NBAS: variants seen among roughly 807,000 people sequenced by gnomAD.
The protein encoded by NBAS is NAG/BC035112 fusion.
NBAS carries 219 observed loss-of-function variants against 302.5 expected under a neutral mutation model. The observed-to-expected ratio is 0.72, with a 90% CI of 0.65 to 0.81. The LOEUF is 0.81. Among genes scored for constraint, NBAS ranks in the 30% least tolerant of loss-of-function variants. The pLI is 0.00. For synonymous variants in NBAS, 1,118 were observed against 1,021.6 expected (o/e 1.09, Z -1.80); for missense variants, 2,932 against 2,841.6 (o/e 1.03, Z -0.72).
intron 9 of NBAS, among the ~76,000 whole-genome samples, chr2:15,514,753 AC>A (rs1269766140): frequency 6.6e-6 from 1 of 152,100 alleles, no homozygotes; most frequent in African/African-American, 2.4e-5. Flanking sequence ...AAGTTGGCTG[AC>A]TACTGAAGGA....
At chr2:15,511,376 T>A (rs780741892) in intron 9 of NBAS, 26 bp from the exon 10 acceptor site, 1 of 1,606,708 alleles carries the variant, frequency 6.2e-7, no homozygotes, top group Non-Finnish European at 8.5e-7. Flanking sequence ...TTTTTAAAAA[T>A]CGATAAATTG....
chr2:15,111,245 T>C, the NBAS span, among the ~76,000 whole-genome samples: 1 of 152,136 alleles, frequency 6.6e-6, no homozygotes, highest in Non-Finnish European at 1.5e-5. Context: ...GTGTGTCTTT[T>C]AATCTCTCCA....
At chr2:15,191,434 A>G (rs1439672701) in intron 48 of NBAS, among the ~76,000 whole-genome samples, 2 of 152,226 alleles carry the variant, frequency 1.3e-5, no homozygotes, top group African/African-American at 4.8e-5. Context: ...AGCCTTGTTC[A>G]CACAGTGACC....
At chr2:15,355,337 CA>C (rs1282794178) in intron 33 of NBAS, among the ~76,000 whole-genome samples, 1 of 151,040 alleles carries the variant, frequency 6.6e-6, no homozygotes, top group East Asian at 1.9e-4. Flanking sequence ...ACAACAACAA[CA>C]ACAACAAAAC....
the NBAS span, among the ~76,000 whole-genome samples, chr2:15,102,770 T>G: frequency 6.6e-6 from 1 of 152,294 alleles, no homozygotes; most frequent in South Asian, 2.1e-4. Context: ...CCCTACACTG[T>G]CACCTAGAAA....
chr2:15,514,290 A>G (rs1482397207), intron 9 of NBAS, among the ~76,000 whole-genome samples: 2 of 152,174 alleles, frequency 1.3e-5, no homozygotes, highest in Non-Finnish European at 2.9e-5. Context: ...ACTTTTGTAC[A>G]TGCTTCAAAT....
the NBAS span, among the ~76,000 whole-genome samples, chr2:15,047,144 C>T: frequency 6.6e-6 from 1 of 152,212 alleles, no homozygotes; most frequent in African/African-American, 2.4e-5. Context: ...AGGGTCCTGC[C>T]TAACCTGCTG....
At chr2:15,492,388 T>G (rs564850053) in intron 11 of NBAS, among the ~76,000 whole-genome samples, 1 of 152,338 alleles carries the variant, frequency 6.6e-6, no homozygotes, top group Admixed American at 6.5e-5. Context: ...TCAAGACACT[T>G]AGGTTATGTT....
chr2:14,827,854 T>A, the NBAS span, among the ~76,000 whole-genome samples: 1 of 152,260 alleles, frequency 6.6e-6, no homozygotes, highest in Admixed American at 6.5e-5. Flanking sequence ...ATTAGATGAG[T>A]AAGTTCCAAA....
chr2:15,336,242 A>T (rs1672578297), intron 35 of NBAS, among the ~76,000 whole-genome samples: 1 of 152,194 alleles, frequency 6.6e-6, no homozygotes, highest in African/African-American at 2.4e-5. Context: ...CTATTAATGC[A>T]CTTACCATAA....
chr2:14,879,398 A>G, the NBAS span, among the ~76,000 whole-genome samples: 1 of 152,334 alleles, frequency 6.6e-6, no homozygotes, highest in Admixed American at 6.5e-5. Flanking sequence ...ACACTGCTTA[A>G]AGGTAGACAA....
the NBAS span, among the ~76,000 whole-genome samples, chr2:15,013,969 G>A: frequency 7.9e-5 from 12 of 152,016 alleles, no homozygotes; most frequent in South Asian, 8.3e-4. Flanking sequence ...GATATTCCAC[G>A]TAAAAGGAAA....
chr2:14,872,011 G>C, the NBAS span, among the ~76,000 whole-genome samples: 2 of 152,022 alleles, frequency 1.3e-5, no homozygotes, highest in Non-Finnish European at 2.9e-5. Context: ...ACACACACAT[G>C]TATAGATACT....
the NBAS span, among the ~76,000 whole-genome samples, chr2:14,883,975 A>AAAAT: frequency 0.091 from 13,820 of 151,618 alleles, 1,030 homozygotes; most frequent in African/African-American, 0.2. Flanking sequence ...TTCTCTCAAA[A>AAAAT]AAAATAAAAT....
chr2:15,024,979 T>C, the NBAS span, among the ~76,000 whole-genome samples: 49,019 of 152,062 alleles, frequency 0.32, 8,037 homozygotes, highest in South Asian at 0.35. Context: ...TAGGTCCCAT[T>C]TGTCAATGCT....
At chr2:15,529,127 C>T (rs1393459229) in intron 9 of NBAS, among the ~76,000 whole-genome samples, 2 of 151,968 alleles carry the variant, frequency 1.3e-5, no homozygotes, top group Admixed American at 1.3e-4. Context: ...TAACTGAACA[C>T]ATACGCTTTT....
At chr2:15,336,709 G>A (rs1013224025) in intron 35 of NBAS, among the ~76,000 whole-genome samples, 9 of 151,796 alleles carry the variant, frequency 5.9e-5, no homozygotes, top group Non-Finnish European at 1.0e-4. Flanking sequence ...GAGTCTGGGC[G>A]ACAGAACAAG....
chr2:15,192,781 C>T (rs1665424428), intron 48 of NBAS, among the ~76,000 whole-genome samples: 1 of 152,158 alleles, frequency 6.6e-6, no homozygotes, highest in Admixed American at 6.5e-5. Flanking sequence ...ATGTTCCTAG[C>T]AGTGTCAATA....
intron 25 of NBAS, among the ~76,000 whole-genome samples, chr2:15,404,565 T>A (rs991203516): frequency 6.6e-6 from 1 of 151,850 alleles, no homozygotes; most frequent in African/African-American, 2.4e-5. Flanking sequence ...CAGGCTCAAG[T>A]GCAGTGGTGC....
Sources: gnomAD v4.1 joint callset for allele counts (sites outside exome capture counted in the v4.1 genomes callset) on GRCh38, gnomAD v4.1.1 for gene constraint, MANE v1.5 for transcripts, NCBI Gene and HGNC (gene_info 2026-07-23, HGNC 2026-07-21) for gene names.